NKAIN2: variants seen among roughly 807,000 people sequenced by gnomAD.
NKAIN2 encodes sodium/potassium-transporting ATPase subunit beta-1-interacting protein 2.
Under a neutral mutation model 32.6 loss-of-function variants are expected in NKAIN2, and 14 were observed. That is an observed-to-expected ratio of 0.43 (90% CI 0.28 to 0.67). NKAIN2 has a LOEUF of 0.67. NKAIN2 is among the 30% of genes least tolerant of loss of function. The pLI, the probability that NKAIN2 is intolerant of heterozygous loss-of-function variation, is 0.17. For synonymous variants in NKAIN2, 80 were observed against 87.2 expected (o/e 0.92, Z 0.46); for missense variants, 198 against 258.3 (o/e 0.77, Z 1.60).
chr6:123,964,383 G>A lies in NKAIN2; in HGVS notation c.54+160129G>A, dbSNP rs571467570. Reference sequence around the variant, plus strand: ...TAGTATCAATTGCCAGTGTCAGCACGTTGAATTGCTTTATAAGGCTGTATA... The same window carrying A: ...TAGTATCAATTGCCAGTGTCAGCACATTGAATTGCTTTATAAGGCTGTATA... On this transcript the variant is annotated intron_variant, in intron 1 of 6. Coordinates refer to ENST00000368417, the MANE Select transcript of NKAIN2 (RefSeq NM_001040214.3). This position sits in a 1 kb window ranked among gnomAD's most constrained non-coding sequence, Gnocchi z 4.0. 2.0e-5 allele frequency among the ~76,000 whole-genome samples: 3 copies of A among 152,188 alleles called. No homozygotes were observed. Among genetic ancestry groups the A allele is most frequent in the Non-Finnish European group, 2.9e-5 (2 of 68,020 alleles).
rs189418260 is a variant in NKAIN2 at position 124,398,098 on chromosome 6, A to C, written c.273+42751A>C. Among the ~76,000 whole-genome samples the C allele has an allele frequency of 1.7e-3, 260 of 151,648 alleles. 1 individual carries two copies. The highest frequency in any genetic ancestry group is 6.1e-3 in the African/African-American group (253 of 41,302). The stretch of plus-strand genomic sequence containing the variant: ...GAAACCCCATCTGTACTAAAACTAC[A>C]AAAAATTAGCCGGGCGTGGTTGCGG... On this transcript the variant is annotated intron_variant, in intron 3 of 6. Transcript: ENST00000368417.
intron 1 of NKAIN2, among the ~76,000 whole-genome samples, chr6:123,883,695 C>T (rs1258362448): frequency 1.4e-5 from 2 of 146,942 alleles, no homozygotes; most frequent in East Asian, 4.0e-4. Context: ...AAAAAATTAC[C>T]GGCCAGGCAA....
chr6:124,662,929 G>A (rs1784799834), intron 4 of NKAIN2, among the ~76,000 whole-genome samples: 1 of 152,110 alleles, frequency 6.6e-6, no homozygotes, highest in Admixed American at 6.5e-5. Context: ...TCTAAGTTGT[G>A]AACTTGTGTA....
chr6:124,576,698 CAATG>C (rs1781348866), intron 3 of NKAIN2, among the ~76,000 whole-genome samples: 1 of 151,732 alleles, frequency 6.6e-6, no homozygotes, highest in African/African-American at 2.4e-5. Context: ...TAAAAAAAAA[CAATG>C]AAAAGTTCAC....
At chr6:123,849,957 TTTTTGTTTGTTTG>T (rs747245358) in intron 1 of NKAIN2, among the ~76,000 whole-genome samples, 404 of 36,282 alleles carry the variant, frequency 0.011, 25 homozygotes, top group South Asian at 0.08. Context: ...TGGTTTTTTT[TTTTTGTTTGTTTG>T]TTTTTTTTTT....
intron 2 of NKAIN2, among the ~76,000 whole-genome samples, chr6:124,332,949 A>G (rs1797723157): frequency 6.6e-6 from 1 of 152,234 alleles, no homozygotes; most frequent in South Asian, 2.1e-4. Context: ...TAGGTTCACA[A>G]TGGAGTTAAG....
intron 1 of NKAIN2, among the ~76,000 whole-genome samples, chr6:123,982,686 G>T (rs981655512): frequency 1.3e-5 from 2 of 152,068 alleles, no homozygotes; most frequent in African/African-American, 4.8e-5. Context: ...AATTAGAGGT[G>T]ACTGTTACTG....
intron 1 of NKAIN2, among the ~76,000 whole-genome samples, chr6:123,897,154 A>G (rs1200228629): frequency 6.6e-6 from 1 of 152,144 alleles, no homozygotes; most frequent in Non-Finnish European, 1.5e-5. Context: ...TGAACTTCCT[A>G]TTGAATAATT....
At chr6:123,983,658 CTGAT>C (rs1779002302) in intron 1 of NKAIN2, among the ~76,000 whole-genome samples, 2 of 152,014 alleles carry the variant, frequency 1.3e-5, no homozygotes, top group Non-Finnish European at 2.9e-5. Context: ...CACCTCTTGT[CTGAT>C]TATCAAATAT....
Position 124,758,190 on chromosome 6 carries a change from A to C in NKAIN2, c.475-33149A>C, listed in dbSNP as rs73569798. Among the ~76,000 whole-genome samples the C allele has an allele frequency of 7.7e-3, 1,166 of 152,130 alleles. 13 individuals are homozygous for C. Among genetic ancestry groups the C allele is most frequent in the African/African-American group, 0.025 (1,057 of 41,504 alleles). On this transcript the variant is annotated intron_variant, in intron 4 of 6. Coordinates refer to ENST00000368417, the MANE Select transcript of NKAIN2 (RefSeq NM_001040214.3). The stretch of plus-strand genomic sequence containing the variant: ...TCAGCAGTCCCAGATCCCTCCCTCT[A>C]CTGCACACTTGCCTCCCCCTTGACT...
chr6:124,072,656 G>A (rs893016639), intron 1 of NKAIN2, among the ~76,000 whole-genome samples: 2 of 151,904 alleles, frequency 1.3e-5, no homozygotes, highest in Non-Finnish European at 2.9e-5. Flanking sequence ...ATTTCTATTC[G>A]TAAGCTCCTG....
intron 3 of NKAIN2, among the ~76,000 whole-genome samples, chr6:124,457,823 T>C (rs560274920): frequency 6.6e-6 from 1 of 152,102 alleles, no homozygotes; most frequent in East Asian, 1.9e-4. Flanking sequence ...GTGCCTTCCC[T>C]TGGAGTTCTT....
chr6:124,692,009 A>G (rs1339684722), intron 4 of NKAIN2, among the ~76,000 whole-genome samples: 1 of 152,218 alleles, frequency 6.6e-6, no homozygotes, highest in Non-Finnish European at 1.5e-5. Context: ...GTTAAAGGAT[A>G]AAAATATAAA....
chr6:123,878,986 A>G (rs116816212), intron 1 of NKAIN2, among the ~76,000 whole-genome samples: 2,044 of 152,232 alleles, frequency 0.013, 48 homozygotes, highest in African/African-American at 0.046. Flanking sequence ...CTTTTTTTCC[A>G]ATACTGAAAA....
At chr6:124,102,223 G>A (rs775093514) in intron 1 of NKAIN2, among the ~76,000 whole-genome samples, 1 of 152,162 alleles carries the variant, frequency 6.6e-6, no homozygotes, top group Non-Finnish European at 1.5e-5. Flanking sequence ...CCCTTCACTG[G>A]TATGGACCAT....
chr6:124,016,891 C>G (rs549286000), intron 1 of NKAIN2, among the ~76,000 whole-genome samples: 5 of 152,204 alleles, frequency 3.3e-5, no homozygotes, highest in Admixed American at 3.3e-4. Context: ...GCTGCAAATG[C>G]CCAACACTTG....
intron 4 of NKAIN2, among the ~76,000 whole-genome samples, chr6:124,666,716 C>T (rs1772814210): frequency 6.6e-6 from 1 of 152,212 alleles, no homozygotes; most frequent in Admixed American, 6.5e-5. Context: ...AGAACTTAAA[C>T]AGCCTCTAAA....
chr6:124,816,952 C>G (rs1359749802), intron 5 of NKAIN2, among the ~76,000 whole-genome samples: 1 of 152,206 alleles, frequency 6.6e-6, no homozygotes, highest in South Asian at 2.1e-4. Context: ...TTCCAGTTAC[C>G]ATTGCTGCCA....
At chr6:124,474,787 T>C (rs984490037) in intron 3 of NKAIN2, among the ~76,000 whole-genome samples, 9 of 129,588 alleles carry the variant, frequency 6.9e-5, no homozygotes, top group Non-Finnish European at 1.4e-4. Context: ...ATCTTACCCC[T>C]GTATATATAT....
Sources: allele counts gnomAD v4.1 joint callset (sites outside exome capture counted in the v4.1 genomes callset), GRCh38; gene constraint gnomAD v4.1.1; non-coding constraint Gnocchi (gnomAD v3.1); transcripts MANE v1.5; gene names NCBI Gene and HGNC (gene_info 2026-07-23, HGNC 2026-07-21).